The following ZNF536 variants were observed in gnomAD, a reference collection of about 807,000 sequenced individuals.
The protein encoded by ZNF536 is zinc finger protein 536.
Under a neutral mutation model 84.5 loss-of-function variants are expected in ZNF536, and 13 were observed. That is an observed-to-expected ratio of 0.15 (90% CI 0.10 to 0.24). The LOEUF (loss-of-function observed/expected upper bound fraction) is 0.24, where lower values mean the gene tolerates loss of function less well. ZNF536 is among the 10% of genes least tolerant of loss of function. The pLI, the probability that ZNF536 is intolerant of heterozygous loss-of-function variation, is 1.00. For synonymous variants in ZNF536, 811 were observed against 742.5 expected, an observed-to-expected ratio of 1.09 and a Z score of -1.50; for missense variants, 1,536 against 1,747.5, an observed-to-expected ratio of 0.88 and a Z score of 2.16.
intron 1 of ZNF536, among the ~76,000 whole-genome samples, chr19:30,569,983 CT>C (rs1568564028): frequency 6.6e-6 from 1 of 152,194 alleles, no homozygotes; most frequent in Non-Finnish European, 1.5e-5. Context: ...TTAGCAATGT[CT>C]GGAGATATTG....
intron 3 of ZNF536, among the ~76,000 whole-genome samples, chr19:30,365,374 T>C (rs2048394566): frequency 6.6e-6 from 1 of 151,960 alleles, no homozygotes; most frequent in East Asian, 1.9e-4. Context: ...TTCCTCCCCC[T>C]CTCTCTCCTT....
intron 1 of ZNF536, among the ~76,000 whole-genome samples, chr19:30,438,616 A>G (rs931344869): frequency 2.0e-5 from 3 of 152,232 alleles, no homozygotes; most frequent in African/African-American, 4.8e-5. Flanking sequence ...TGGGCTGGGA[A>G]AAGGGATAAT....
intron 2 of ZNF536, among the ~76,000 whole-genome samples, chr19:30,531,874 C>T (rs1048276972): frequency 7.9e-5 from 12 of 151,874 alleles, no homozygotes; most frequent in African/African-American, 2.9e-4. Flanking sequence ...ATCTACCCAC[C>T]TCGGTGTCCC....
intron 3 of ZNF536, among the ~76,000 whole-genome samples, chr19:30,543,347 C>T (rs2045408251): frequency 6.6e-6 from 1 of 152,228 alleles, no homozygotes; most frequent in Non-Finnish European, 1.5e-5. Context: ...CCTGAGTGGT[C>T]CCCTCAGTAG....
intron 2 of ZNF536, among the ~76,000 whole-genome samples, chr19:30,296,940 G>A (rs2046015284): frequency 6.6e-6 from 1 of 152,194 alleles, no homozygotes; most frequent in South Asian, 2.1e-4. Flanking sequence ...TACAGCTGAT[G>A]TTGGCAGTGG....
chr19:30,385,489 C>T (rs1475521951), intron 1 of ZNF536, among the ~76,000 whole-genome samples: 1 of 151,904 alleles, frequency 6.6e-6, no homozygotes, highest in South Asian at 2.1e-4. Flanking sequence ...CCTGACTGTC[C>T]TCTGTGGCCT....
At chr19:30,654,326 G>A (rs979970003) in intron 1 of ZNF536, among the ~76,000 whole-genome samples, 2 of 152,090 alleles carry the variant, frequency 1.3e-5, no homozygotes, top group Admixed American at 1.3e-4. Flanking sequence ...AATCTGGAAT[G>A]TTCATTAGTG....
At chr19:30,617,089 A>G (rs2048322552) in intron 1 of ZNF536, among the ~76,000 whole-genome samples, 1 of 150,574 alleles carries the variant, frequency 6.6e-6, no homozygotes, top group African/African-American at 2.4e-5. Context: ...CATTTCACCT[A>G]TTTTCTTGCT....
intron 1 of ZNF536, among the ~76,000 whole-genome samples, chr19:30,577,033 G>C (rs988935704): frequency 1.3e-5 from 2 of 152,164 alleles, no homozygotes; most frequent in Non-Finnish European, 2.9e-5. Flanking sequence ...ACCTTGATAG[G>C]TTTTGCAAAC....
intron 1 of ZNF536, among the ~76,000 whole-genome samples, chr19:30,566,173 A>G (rs1443823348): frequency 1.3e-5 from 2 of 152,176 alleles, no homozygotes; most frequent in Non-Finnish European, 2.9e-5. Context: ...ACCCTGCCCC[A>G]CACCCTGAGT....
intron 1 of ZNF536, among the ~76,000 whole-genome samples, chr19:30,708,751 A>T (rs981073318): frequency 4.6e-5 from 7 of 152,242 alleles, no homozygotes; most frequent in Non-Finnish European, 5.9e-5. Context: ...GCAAGAATTT[A>T]GCACTGGGTG....
chr19:30,410,420 C>T (rs1294208598), intron 1 of ZNF536, among the ~76,000 whole-genome samples: 2 of 140,444 alleles, frequency 1.4e-5, no homozygotes, highest in African/African-American at 2.8e-5. Context: ...AATAAAATAA[C>T]TTTAAAAAAT....
At chr19:30,452,929 G>A (rs1040065748) in intron 2 of ZNF536, among the ~76,000 whole-genome samples, 2 of 148,048 alleles carry the variant, frequency 1.4e-5, no homozygotes, top group African/African-American at 4.9e-5. Flanking sequence ...GGGGCTGAGC[G>A]AGGCTTGCAA....
chr19:30,604,828 G>A lies in ZNF536; in HGVS notation c.169+55314G>A, dbSNP rs564661122. 2.0e-3 allele frequency among the ~76,000 whole-genome samples: 301 copies of A among 152,294 alleles called. 1 individual carries two copies. The highest frequency in any genetic ancestry group is 7.1e-3 in the African/African-American group (293 of 41,560). On this transcript the variant is annotated intron_variant, in intron 1 of 1. Transcript: ENST00000592773. ...TGGCCTGAGGTTGCACAGCAAGCTC[G>A]GGGCAGAGTCAGGAAGCCCTGGCCC... is the stretch of plus-strand genomic sequence containing the variant.
intron 1 of ZNF536, among the ~76,000 whole-genome samples, chr19:30,645,771 G>A (rs550977033): frequency 9.2e-4 from 140 of 152,308 alleles, no homozygotes; most frequent in African/African-American, 3.3e-3. Context: ...AGTGGCTGCA[G>A]CCCACTTAGC....
rs180691315 is a variant in ZNF536 at position 30,325,006 on chromosome 19, G to A, written c.-119-27362G>A. On this transcript the variant is annotated intron_variant, in intron 2 of 5. Transcript: ENST00000585628. ...CACCCTCACCCAAAGTCATACAATG[G>A]GTGTGAGTGCTCTTGTTCTAGAACC... Among the ~76,000 whole-genome samples, 5 of 152,216 alleles carry A rather than the reference G, an allele frequency of 3.3e-5. No homozygotes were observed. In the East Asian group the frequency reaches 9.7e-4, roughly 29 times the overall value.
chr19:30,430,871 T>C lies in ZNF536; in HGVS notation c.-2-12690T>C, dbSNP rs553778224. ...TTGTATTTTCAGTAGAAATGGGGTT[T>C]CACCATGCTGGCCAGGCTGGTCTCA... On this transcript the variant is annotated intron_variant, in intron 1 of 4. Transcript: ENST00000355537. Among the ~76,000 whole-genome samples the C allele has an allele frequency of 3.3e-5, 5 of 152,320 alleles. No homozygotes were observed. The East Asian group carries it at 9.7e-4, about 29-fold the overall frequency.
chr19:30,344,824 C>G (rs756265738), intron 2 of ZNF536, among the ~76,000 whole-genome samples: 18 of 152,198 alleles, frequency 1.2e-4, no homozygotes, highest in African/African-American at 4.3e-4. Flanking sequence ...CAAGGTCAGA[C>G]AGCGAGACAG....
At chr19:30,244,775 G>A (rs1287219940) in intron 1 of ZNF536, among the ~76,000 whole-genome samples, 1 of 152,186 alleles carries the variant, frequency 6.6e-6, no homozygotes, top group African/African-American at 2.4e-5. Context: ...TCGGGGTGGC[G>A]ATGTGACCCA....
Sources: gnomAD v4.1 joint callset for allele counts (sites outside exome capture counted in the v4.1 genomes callset) on GRCh38, gnomAD v4.1.1 for gene constraint, MANE v1.5 for transcripts, NCBI Gene and HGNC (gene_info 2026-07-23, HGNC 2026-07-21) for gene names.